Variants in MCU observed in about 807,000 individuals in gnomAD.
MCU encodes mitochondrial calcium uniporter.
MCU carries 12 observed loss-of-function variants against 45.2 expected under a neutral mutation model. The observed-to-expected ratio is 0.27, with a 90% CI of 0.17 to 0.43. MCU has a LOEUF of 0.43. MCU is among the 20% of genes least tolerant of loss of function. The probability of loss-of-function intolerance (pLI) is 1.00; values close to 1 mark genes in which losing one functional copy is unlikely to be tolerated. For synonymous variants in MCU, 160 were observed against 165.1 expected (o/e 0.97, Z 0.24); for missense variants, 324 against 436.7 (o/e 0.74, Z 2.30).
chr10:72,752,417 G>A (rs1843515486), intron 1 of MCU, among the ~76,000 whole-genome samples: 1 of 152,110 alleles, frequency 6.6e-6, no homozygotes, highest in Non-Finnish European at 1.5e-5. Flanking sequence ...TTTTGAATGG[G>A]CAAAATAATC....
At chr10:72,859,047 G>A in intron 2 of MCU, 130 bp from the exon 3 acceptor site, 1 of 869,018 alleles carries the variant, frequency 1.2e-6, no homozygotes, top group Non-Finnish European at 1.7e-6. Flanking sequence ...TAAAGGGCAT[G>A]TTCTTAAACC....
intron 1 of MCU, among the ~76,000 whole-genome samples, chr10:72,765,125 G>A (rs1843707646): frequency 6.7e-6 from 1 of 150,222 alleles, no homozygotes; most frequent in South Asian, 2.1e-4. Flanking sequence ...AGGGCATGTA[G>A]AACAAGAGTT....
intron 1 of MCU, among the ~76,000 whole-genome samples, chr10:72,712,695 G>C (rs1400333470): frequency 6.6e-6 from 1 of 152,198 alleles, no homozygotes; most frequent in Non-Finnish European, 1.5e-5. Context: ...GGTAGTTGGT[G>C]TGAAATAAAT....
intron 4 of MCU, chr10:72,861,654 T>A (rs1339336627): frequency 2.7e-6 from 1 of 376,588 alleles, no homozygotes; most frequent in Non-Finnish European, 5.0e-6. Context: ...GCCGCCAGGC[T>A]AATTTTTTTT....
At position 72,810,808 on chromosome 10, in the gene MCU, T is replaced by A. The variant is rs367999484; in HGVS notation, c.151-23551T>A. On this transcript the variant is annotated intron_variant, in intron 1 of 7. Coordinates refer to ENST00000373053, the MANE Select transcript of MCU (RefSeq NM_138357.3). ...CTGCGCCTGGTCTGTGTTGCCTTTT[T>A]CTCATAGGCCTTGCTTTATCCCACA... Among the ~76,000 whole-genome samples, 260 of 152,252 alleles carry A rather than the reference T, an allele frequency of 1.7e-3. 1 individual carries two copies. The South Asian group carries it at 0.027, about 16-fold the overall frequency.
intron 2 of MCU, among the ~76,000 whole-genome samples, chr10:72,838,749 A>T (rs1019501050): frequency 6.6e-6 from 1 of 152,224 alleles, no homozygotes; most frequent in African/African-American, 2.4e-5. Context: ...AATAATTTTA[A>T]TAATGAAAGT....
intron 1 of MCU, among the ~76,000 whole-genome samples, chr10:72,798,111 A>G (rs1844279654): frequency 6.6e-6 from 1 of 152,202 alleles, no homozygotes; most frequent in Non-Finnish European, 1.5e-5. Flanking sequence ...TCAATGATGT[A>G]TAAAATTTGG....
intron 1 of MCU, among the ~76,000 whole-genome samples, chr10:72,732,097 A>G (rs181665752): frequency 5.3e-5 from 8 of 152,264 alleles, no homozygotes; most frequent in Non-Finnish European, 1.2e-4. Context: ...ATTGCCCTGT[A>G]TCCTCATCAG....
chr10:72,787,201 C>T (rs1429371530), intron 1 of MCU, among the ~76,000 whole-genome samples: 1 of 152,234 alleles, frequency 6.6e-6, no homozygotes, highest in Non-Finnish European at 1.5e-5. Flanking sequence ...TCTGGCCACT[C>T]CCGCCCACGG....
At chr10:72,877,883 G>C (rs947132401) in intron 6 of MCU, among the ~76,000 whole-genome samples, 1 of 152,072 alleles carries the variant, frequency 6.6e-6, no homozygotes, top group Non-Finnish European at 1.5e-5. Context: ...TTTGGAACCT[G>C]TAAAGGCTAC....
intron 6 of MCU, among the ~76,000 whole-genome samples, chr10:72,881,212 A>G (rs1387410660): frequency 6.6e-6 from 1 of 152,206 alleles, no homozygotes; most frequent in Non-Finnish European, 1.5e-5. Context: ...ACCTATATTA[A>G]AAAATGAAAT....
intron 1 of MCU, among the ~76,000 whole-genome samples, chr10:72,810,007 C>CGT (rs1844513318): frequency 8.9e-6 from 1 of 112,744 alleles, no homozygotes; most frequent in African/African-American, 2.5e-5. Context: ...TCTGTGTGTG[C>CGT]ATGTGTGTGT....
intron 2 of MCU, among the ~76,000 whole-genome samples, chr10:72,852,133 TCTTAATGA>T (rs1845216707): frequency 6.6e-6 from 1 of 152,258 alleles, no homozygotes; most frequent in South Asian, 2.1e-4. Context: ...TAATCACTAA[TCTTAATGA>T]CTTCGTCATC....
chr10:72,756,066 G>A (rs1843572182), intron 1 of MCU, among the ~76,000 whole-genome samples: 1 of 152,038 alleles, frequency 6.6e-6, no homozygotes, highest in Admixed American at 6.6e-5. Context: ...GCCCAAGTGG[G>A]TCTCGAACTC....
chr10:72,735,063 G>A (rs1323406730), intron 1 of MCU, among the ~76,000 whole-genome samples: 2 of 148,742 alleles, frequency 1.3e-5, no homozygotes, highest in Non-Finnish European at 3.0e-5. Flanking sequence ...GTGACAGAGT[G>A]AGATTGTCTC....
chr10:72,837,004 T>C (rs1485646154), intron 2 of MCU, among the ~76,000 whole-genome samples: 2 of 152,168 alleles, frequency 1.3e-5, no homozygotes, highest in Non-Finnish European at 2.9e-5. Context: ...AAGTATAAGG[T>C]CTAAAATATC....
At chr10:72,859,734 G>A (rs1457891154) in intron 3 of MCU, among the ~76,000 whole-genome samples, 2 of 152,066 alleles carry the variant, frequency 1.3e-5, no homozygotes, top group African/African-American at 4.8e-5. Flanking sequence ...AAATAAAGAA[G>A]TATATAATTT....
At chr10:72,854,141 A>G (rs1373540684) in intron 2 of MCU, among the ~76,000 whole-genome samples, 1 of 151,346 alleles carries the variant, frequency 6.6e-6, no homozygotes. Context: ...AAAATAAAAT[A>G]AATTAGCTGG....
intron 1 of MCU, among the ~76,000 whole-genome samples, chr10:72,710,632 C>T (rs868611282): frequency 7.7e-6 from 1 of 130,144 alleles, no homozygotes; most frequent in South Asian, 2.6e-4. Context: ...CATACAAGGA[C>T]AAAAATCTTT....
Sources: allele counts gnomAD v4.1 joint callset (sites outside exome capture counted in the v4.1 genomes callset), GRCh38; gene constraint gnomAD v4.1.1; transcripts MANE v1.5; gene names NCBI Gene and HGNC (gene_info 2026-07-23, HGNC 2026-07-21).